The following PRKG1 variants were observed in gnomAD, a reference collection of about 807,000 sequenced individuals.
The protein encoded by PRKG1 is cGMP-dependent protein kinase 1.
PRKG1 carries 35 observed loss-of-function variants against 88.1 expected under a neutral mutation model. The ratio of observed to expected loss-of-function variants is 0.40; its 90% CI spans 0.30 to 0.53. The LOEUF is 0.53. Ranked by LOEUF, PRKG1 falls within the 20% of genes least tolerant of loss-of-function variation. The probability of loss-of-function intolerance (pLI) is 0.59; values close to 1 mark genes in which losing one functional copy is unlikely to be tolerated. For synonymous variants in PRKG1, 303 were observed against 292.5 expected, an observed-to-expected ratio of 1.04 and a Z score of -0.37; for missense variants, 540 against 839.8, an observed-to-expected ratio of 0.64 and a Z score of 4.41.
In PRKG1 at chr10:51,587,302, C is replaced by T. The variant is rs568574748; in HGVS notation, c.592+119466C>T. Among the ~76,000 whole-genome samples the T allele has an allele frequency of 3.9e-5, 6 of 152,160 alleles. No homozygotes were observed. The East Asian group carries it at 5.8e-4, about 15-fold the overall frequency. On this transcript the variant is annotated intron_variant, in intron 3 of 17. Coordinates refer to ENST00000373980, the MANE Select transcript of PRKG1 (RefSeq NM_006258.4). ...TGCAGAAAGGGAATTTTTCCTAAAGCGAAGCTGTAATGAATAGCAGCAGTT... is the reference window on the plus strand; with the variant it reads ...TGCAGAAAGGGAATTTTTCCTAAAGTGAAGCTGTAATGAATAGCAGCAGTT...
intron 4 of PRKG1, among the ~76,000 whole-genome samples, chr10:51,821,584 T>G (rs188689682): frequency 9.9e-5 from 15 of 152,194 alleles, no homozygotes; most frequent in Non-Finnish European, 2.1e-4. Flanking sequence ...ATATTTTGAG[T>G]GTACACCCCA....
At chr10:51,012,575 A>T (rs1254750300) in intron 1 of PRKG1, among the ~76,000 whole-genome samples, 1 of 152,204 alleles carries the variant, frequency 6.6e-6, no homozygotes, top group Non-Finnish European at 1.5e-5. Context: ...TAAGGCACGC[A>T]TTTTAAAACA....
intron 2 of PRKG1, among the ~76,000 whole-genome samples, chr10:51,155,128 A>G (rs1846174350): frequency 6.6e-6 from 1 of 152,040 alleles, no homozygotes; most frequent in Non-Finnish European, 1.5e-5. Flanking sequence ...TTGCTGTTTC[A>G]TTCAAGAAAC....
intron 2 of PRKG1, among the ~76,000 whole-genome samples, chr10:51,450,065 G>T (rs796380069): frequency 1.3e-5 from 2 of 151,824 alleles, no homozygotes. Context: ...ATTCATAGAT[G>T]GTCTCAATTC....
At position 51,019,563 on chromosome 10, in the gene PRKG1, A is replaced by C. The variant is rs150338763; in HGVS notation, c.266+27919A>C. On this transcript the variant is annotated intron_variant, in intron 1 of 17. Transcript: ENST00000401604. Reference sequence around the variant, plus strand: ...GGCTCTTAGAATAAAACATATGGGGAAAGCTTCAAAACACTGGATTTGGTA... The same window carrying C: ...GGCTCTTAGAATAAAACATATGGGGCAAGCTTCAAAACACTGGATTTGGTA... Among the ~76,000 whole-genome samples, 77 of 152,312 alleles carry C rather than the reference A, an allele frequency of 5.1e-4. 1 individual carries two copies. In the East Asian group the frequency reaches 0.014, roughly 29 times the overall value.
At chr10:52,174,098 A>AG (rs1278070285) in intron 9 of PRKG1, among the ~76,000 whole-genome samples, 3 of 90,500 alleles carry the variant, frequency 3.3e-5, no homozygotes, top group East Asian at 5.4e-4. Flanking sequence ...GCTAGTAATC[A>AG]GGTTTTTTTA....
chr10:51,400,174 T>A (rs1394780605), intron 2 of PRKG1, among the ~76,000 whole-genome samples: 4 of 152,156 alleles, frequency 2.6e-5, no homozygotes, highest in African/African-American at 4.8e-5. Flanking sequence ...GAAAGAGCAA[T>A]GATTAAGACA....
rs74131772 is a variant in PRKG1 at position 51,148,315 on chromosome 10, A to T, written c.312-4849A>T. On this transcript the variant is annotated intron_variant, in intron 1 of 17. Coordinates refer to ENST00000373980, the MANE Select transcript of PRKG1 (RefSeq NM_006258.4). ...CCCCTGACATTTGATCCCAAAGTTG[A>T]CCATTCAGTGCAAAAGAAAATTAGT... 2.1e-3 allele frequency: 2,065 copies of T among 968,744 alleles called. 47 individuals carry two copies. In the African/African-American group the frequency reaches 0.032, roughly 15 times the overall value. 60.0% of individuals were successfully genotyped at this position (968,744 alleles called of 1,614,324 possible).
At position 52,051,874 on chromosome 10, in the gene PRKG1, CCT is replaced by C. The variant is rs1486615097; in HGVS notation, c.763-2606_763-2605del. On this transcript the variant is annotated intron_variant, in intron 5 of 17. Coordinates refer to ENST00000373980, the MANE Select transcript of PRKG1 (RefSeq NM_006258.4). ...TTTATCAATCAGATGAGTCATGCCA[CCT>C]CTCCTGGTGCAGAGTGAGGAAAGGG... is the stretch of plus-strand genomic sequence containing the variant. 3.9e-5 allele frequency among the ~76,000 whole-genome samples: 6 copies of C among 152,228 alleles called. No homozygotes were observed. The East Asian group carries it at 1.2e-3, about 30-fold the overall frequency.
chr10:51,941,710 T>G (rs1842912671), intron 5 of PRKG1, among the ~76,000 whole-genome samples: 1 of 151,624 alleles, frequency 6.6e-6, no homozygotes, highest in Non-Finnish European at 1.5e-5. Context: ...GGTGTTTGGT[T>G]TTTTGTCCTT....
intron 2 of PRKG1, among the ~76,000 whole-genome samples, chr10:51,430,412 T>G (rs1394979446): frequency 6.6e-6 from 1 of 152,034 alleles, no homozygotes; most frequent in Non-Finnish European, 1.5e-5. Flanking sequence ...CAGAGTGAGA[T>G]CTTGTCTCAA....
intron 5 of PRKG1, among the ~76,000 whole-genome samples, chr10:52,024,811 G>A (rs1391048112): frequency 1.3e-5 from 2 of 152,154 alleles, no homozygotes; most frequent in East Asian, 3.8e-4. Flanking sequence ...TGTCTTTATA[G>A]TAGCATGATT....
intron 3 of PRKG1, among the ~76,000 whole-genome samples, chr10:51,795,695 T>C (rs1182473739): frequency 6.6e-6 from 1 of 152,030 alleles, no homozygotes; most frequent in Non-Finnish European, 1.5e-5. Context: ...AAAGTGGGGG[T>C]AGAATACAGC....
intron 2 of PRKG1, among the ~76,000 whole-genome samples, chr10:51,267,962 A>G (rs1839879118): frequency 6.6e-6 from 1 of 152,206 alleles, no homozygotes; most frequent in Non-Finnish European, 1.5e-5. Flanking sequence ...CACCCCCAAT[A>G]TTTCACATAG....
chr10:51,083,122 G>C (rs1844155779), intron 1 of PRKG1, among the ~76,000 whole-genome samples: 1 of 152,134 alleles, frequency 6.6e-6, no homozygotes, highest in Admixed American at 6.5e-5. Context: ...GAGCCAGGCA[G>C]CTTCAGCTCC....
intron 8 of PRKG1, among the ~76,000 whole-genome samples, chr10:52,146,899 C>A (rs1200313332): frequency 6.6e-6 from 1 of 152,224 alleles, no homozygotes; most frequent in Non-Finnish European, 1.5e-5. Context: ...TGTTCCACTG[C>A]ACCCTCGCCA....
chr10:51,103,105 C>T (rs1844726896), intron 1 of PRKG1, among the ~76,000 whole-genome samples: 1 of 148,730 alleles, frequency 6.7e-6, no homozygotes, highest in African/African-American at 2.5e-5. Context: ...TCTTCTAGAA[C>T]ATTGAACAAA....
chr10:51,800,705 A>G (rs2132603345), intron 3 of PRKG1, among the ~76,000 whole-genome samples: 1 of 152,232 alleles, frequency 6.6e-6, no homozygotes, highest in African/African-American at 2.4e-5. Flanking sequence ...GAAGCCCAAG[A>G]TAAGGGTACC....
chr10:51,980,908 A>T (rs903729204), intron 5 of PRKG1, among the ~76,000 whole-genome samples: 2 of 152,218 alleles, frequency 1.3e-5, no homozygotes, highest in African/African-American at 4.8e-5. Flanking sequence ...TGAAGACAGC[A>T]TACCAATGGG....
Sources: gnomAD v4.1 joint callset for allele counts (sites outside exome capture counted in the v4.1 genomes callset) on GRCh38, gnomAD v4.1.1 for gene constraint, MANE v1.5 for transcripts, NCBI Gene and HGNC (gene_info 2026-07-23, HGNC 2026-07-21) for gene names.